EPB41: variants seen among roughly 807,000 people sequenced by gnomAD.
EPB41 encodes the protein protein 4.1.
A neutral mutation model predicts 108.0 loss-of-function variants in EPB41; 65 were observed. That is an observed-to-expected ratio of 0.60 (90% CI 0.49 to 0.74). The LOEUF is 0.74. Among genes scored for constraint, EPB41 ranks in the 30% least tolerant of loss-of-function variants. EPB41 has a pLI of 0.00. For synonymous variants in EPB41, 336 were observed against 358.9 expected (o/e 0.94, Z 0.72); for missense variants, 875 against 1,037.0 (o/e 0.84, Z 2.15).
chr1:29,111,453 G>A (rs1226837041), intron 18 of EPB41, among the ~76,000 whole-genome samples: 1 of 151,818 alleles, frequency 6.6e-6, no homozygotes, highest in Non-Finnish European at 1.5e-5. Flanking sequence ...TCAAGAGGTC[G>A]AGACCATCCT....
upstream of EPB41, among the ~76,000 whole-genome samples, chr1:28,913,111 G>A (rs976642706): frequency 3.3e-5 from 5 of 152,040 alleles, no homozygotes; most frequent in African/African-American, 1.2e-4. Context: ...CTATAGGTGG[G>A]AGTCCCAGCT....
At chr1:28,914,865 C>G (rs1429480835) in intron 1 of EPB41, 97 bp downstream of exon 1, 1 of 151,918 alleles carries the variant, frequency 6.6e-6, no homozygotes, top group African/African-American at 2.4e-5. Context: ...GCGCTGCAGC[C>G]TCTTTGTCTG....
At chr1:29,063,485 T>A (rs945573755) in intron 15 of EPB41, among the ~76,000 whole-genome samples, 3 of 152,236 alleles carry the variant, frequency 2.0e-5, no homozygotes, top group Admixed American at 2.0e-4. Flanking sequence ...ATCAAAATCG[T>A]CTCACTGATT....
chr1:29,064,134 GA>G (rs1483995263), intron 15 of EPB41, among the ~76,000 whole-genome samples: 2 of 152,042 alleles, frequency 1.3e-5, no homozygotes. Context: ...AATTGTCAAG[GA>G]GATATATAAG....
chr1:29,111,166 C>CA (rs1313702265), intron 18 of EPB41, among the ~76,000 whole-genome samples: 3,647 of 108,546 alleles, frequency 0.034, 79 homozygotes, highest in Middle Eastern at 0.13. Flanking sequence ...GACTCCATCT[C>CA]AAAAAAAAAA....
intron 1 of EPB41, among the ~76,000 whole-genome samples, chr1:28,975,141 A>G (rs189176970): frequency 2.6e-5 from 4 of 152,094 alleles, no homozygotes; most frequent in Admixed American, 6.6e-5. Context: ...CATGTTGGTC[A>G]GGCTGGTCTC....
chr1:29,070,180 A>G (rs1650652955), intron 16 of EPB41: 1 of 404,452 alleles, frequency 2.5e-6, no homozygotes, highest in Non-Finnish European at 4.3e-6. Context: ...TCTATTGAGC[A>G]CCCTATTGTG....
intron 16 of EPB41, among the ~76,000 whole-genome samples, chr1:29,085,596 C>CT (rs1558272047): frequency 1.3e-5 from 2 of 152,018 alleles, no homozygotes; most frequent in Non-Finnish European, 2.9e-5. Flanking sequence ...TTGACTTTGA[C>CT]TTTCTTTTCT....
chr1:29,103,207 C>T lies in EPB41; in HGVS notation c.2313+5272C>T, dbSNP rs960640920. 4.6e-5 allele frequency among the ~76,000 whole-genome samples: 7 copies of T among 152,184 alleles called. No homozygotes were observed. The South Asian group carries it at 6.2e-4, about 13-fold the overall frequency. On this transcript the variant is annotated intron_variant, in intron 17 of 20. Coordinates refer to ENST00000343067, the MANE Select transcript of EPB41 (RefSeq NM_001376013.1). ...TACAGGCATGAACCACCGCACCCTG[C>T]GCCCCCAAAATTTAAATGGTTCAAA...
At chr1:28,916,991 A>G (rs752107158) in intron 1 of EPB41, among the ~76,000 whole-genome samples, 1 of 151,736 alleles carries the variant, frequency 6.6e-6, no homozygotes, top group Non-Finnish European at 1.5e-5. Flanking sequence ...CAGTCTCACT[A>G]TGTTGCCTAG....
chr1:28,902,424 T>C (rs2091402086), intron 1 of EPB41: 4 of 975,826 alleles, frequency 4.1e-6, no homozygotes, highest in Non-Finnish European at 4.9e-6. Flanking sequence ...TTGAGCTTTT[T>C]GTTTTTCAGC....
chr1:28,985,903 A>G (rs1420312789), intron 1 of EPB41: 1 of 151,580 alleles, frequency 6.6e-6, no homozygotes, highest in African/African-American at 2.4e-5. Context: ...ATATGTATAC[A>G]TGTGCCATGC....
chr1:28,992,361 T>C (rs549274499), intron 2 of EPB41, among the ~76,000 whole-genome samples: 1 of 152,252 alleles, frequency 6.6e-6, no homozygotes, highest in Admixed American at 6.5e-5. Flanking sequence ...GATAAAAATA[T>C]GTCGGTAGTT....
chr1:28,889,554 C>T (rs2089868539), intron 1 of EPB41, among the ~76,000 whole-genome samples: 2 of 152,240 alleles, frequency 1.3e-5, no homozygotes, highest in East Asian at 3.8e-4. Flanking sequence ...GCAGAATGGA[C>T]CATGGCCAGG....
At chr1:29,062,784 G>A (rs1157431824) in intron 15 of EPB41, among the ~76,000 whole-genome samples, 2 of 151,446 alleles carry the variant, frequency 1.3e-5, no homozygotes, top group African/African-American at 2.4e-5. Context: ...GAGAGAACCT[G>A]TAGCAAGTTG....
chr1:28,999,846 C>T (rs564101805), intron 4 of EPB41, among the ~76,000 whole-genome samples: 4 of 152,010 alleles, frequency 2.6e-5, no homozygotes, highest in Admixed American at 6.6e-5. Flanking sequence ...TGCAGTGGTG[C>T]GATCTTGGCT....
chr1:28,987,368 G>T (rs1476822005), intron 1 of EPB41, 63 bp from the exon 2 acceptor site: 41 of 1,437,594 alleles, frequency 2.9e-5, no homozygotes, highest in Non-Finnish European at 2.9e-5. Context: ...AGGGTTTAGG[G>T]TTTTGCCAAC....
rs548764349 is a variant in EPB41 at position 29,057,395 on chromosome 1, A to C, written c.1846-1194A>C. Among the ~76,000 whole-genome samples, 16 of 150,336 alleles carry C rather than the reference A, an allele frequency of 1.1e-4. No homozygotes were observed. In the East Asian group the frequency reaches 2.7e-3, roughly 26 times the overall value. ...TCTCAAAAAAAAAAAAAAAAAAAAA[A>C]AGAAAAAGAAATAACCCCAAACCGT... On this transcript the variant is annotated intron_variant, in intron 12 of 20. Transcript: ENST00000343067.
chr1:29,034,128 C>G (rs1638493053), intron 9 of EPB41, among the ~76,000 whole-genome samples: 1 of 152,180 alleles, frequency 6.6e-6, no homozygotes, highest in South Asian at 2.1e-4. Flanking sequence ...ACCATAGAAG[C>G]ATTTATTTTG....
Sources: allele counts gnomAD v4.1 joint callset (sites outside exome capture counted in the v4.1 genomes callset), GRCh38; gene constraint gnomAD v4.1.1; transcripts MANE v1.5; gene names NCBI Gene and HGNC (gene_info 2026-07-23, HGNC 2026-07-21).